The following PCDH10 variants were observed in gnomAD, a reference collection of about 807,000 sequenced individuals.
PCDH10 encodes protocadherin-10.
PCDH10 carries 15 observed loss-of-function variants against 74.4 expected under a neutral mutation model. The observed-to-expected ratio is 0.20, with a 90% CI of 0.13 to 0.31. PCDH10 has a LOEUF of 0.31. PCDH10 is among the 10% of genes least tolerant of loss of function. PCDH10 has a pLI of 1.00. For synonymous variants in PCDH10, 619 were observed against 589.8 expected, an observed-to-expected ratio of 1.05 and a Z score of -0.72; for missense variants, 1,260 against 1,390.2, an observed-to-expected ratio of 0.91 and a Z score of 1.49.
At chr4:133,188,097 T>G (rs1473621145) in intron 4 of PCDH10, among the ~76,000 whole-genome samples, 1 of 152,128 alleles carries the variant, frequency 6.6e-6, no homozygotes, top group African/African-American at 2.4e-5. Context: ...ATTTTTACTA[T>G]TAACAGGAAA....
chr4:133,182,520 C>A (rs1472122492), intron 4 of PCDH10, among the ~76,000 whole-genome samples: 3 of 152,012 alleles, frequency 2.0e-5, no homozygotes, highest in Admixed American at 2.0e-4. Context: ...AAGGATACTT[C>A]ATTGATAATG....
At position 133,192,132 on chromosome 4, in the gene PCDH10, G is replaced by A. The variant is rs1280541094; in HGVS notation, c.*1972G>A. The stretch of plus-strand genomic sequence containing the variant: ...GTATGTAATGTTCCAGCCTTTTGAA[G>A]TCTCTTTAAACATATATGAAGCTAA... On this transcript the variant is annotated 3_prime_UTR_variant, in exon 5 of 5. Transcript: ENST00000264360. The A allele has an allele frequency of 6.6e-6, 1 of 151,386 alleles. No individual in the cohort carries two copies. Among genetic ancestry groups the A allele is most frequent in the Non-Finnish European group, 1.5e-5 (1 of 67,586 alleles). The allele number at this position is 151,386 out of a possible 1,614,324, so 9.4% of individuals were successfully genotyped here.
At chr4:133,154,663 G>T (rs1445976679) in intron 2 of PCDH10, among the ~76,000 whole-genome samples, 1 of 152,074 alleles carries the variant, frequency 6.6e-6, no homozygotes, top group Non-Finnish European at 1.5e-5. Flanking sequence ...TTATGAAAAT[G>T]ATATAAACAT....
chr4:133,160,118 A>C (rs545592722), intron 3 of PCDH10, among the ~76,000 whole-genome samples: 2 of 152,080 alleles, frequency 1.3e-5, no homozygotes, highest in Non-Finnish European at 2.9e-5. Flanking sequence ...TCTGTTACTT[A>C]TCTGAAGTTT....
intron 4 of PCDH10, among the ~76,000 whole-genome samples, chr4:133,183,090 A>T (rs954120500): frequency 6.6e-6 from 1 of 152,114 alleles, no homozygotes; most frequent in Non-Finnish European, 1.5e-5. Flanking sequence ...TTCAAATAAT[A>T]ATATTCAAAT....
intron 3 of PCDH10, among the ~76,000 whole-genome samples, chr4:133,160,308 G>T (rs1421012428): frequency 6.6e-6 from 1 of 151,538 alleles, no homozygotes; most frequent in Non-Finnish European, 1.5e-5. Flanking sequence ...CACTTTAAAA[G>T]GATTAATTCA....
At position 133,200,469 on chromosome 4, in the gene PCDH10, A is replaced by G. The variant is rs1727881937; in HGVS notation, n.438-7607A>G. Among the ~76,000 whole-genome samples the G allele has an allele frequency of 2.0e-5, 3 of 152,314 alleles. No homozygotes were observed. The South Asian group carries it at 6.2e-4, about 32-fold the overall frequency. On this transcript the variant is annotated intron_variant and non_coding_transcript_variant, in intron 2 of 2. Coordinates refer to the PCDH10 transcript ENST00000511112. Reference sequence around the variant, plus strand: ...ATGTAACTATTGTAAAAGACATTTTAAAATCTTTCCTATGCATCTGAGTTC... The same window carrying G: ...ATGTAACTATTGTAAAAGACATTTTGAAATCTTTCCTATGCATCTGAGTTC...
rs1017775396 is a variant in PCDH10, at chr4:133,150,617, C to T, written c.477C>T (p.Tyr159=). The T allele has an allele frequency of 6.2e-7, 1 of 1,613,400 alleles. No individual in the cohort carries two copies. The highest frequency in any genetic ancestry group is 1.1e-5 in the South Asian group (1 of 91,070). Residue 159 remains tyrosine (Y), a synonymous_variant, in exon 1 of 5, where the codon TAC becomes TAT. Coordinates refer to ENST00000264360, the MANE Select transcript of PCDH10 (RefSeq NM_032961.3). The stretch of plus-strand genomic sequence containing the variant: ...TGGGCACCAACTCCTTGCGCGACTA[C>T]GAGATCACCCCCAACAGCTACTTCT... ...PDVGTNSLRD[Y]EITPNSYFSL...
chr4:133,188,225 A>T, intron 4 of PCDH10, among the ~76,000 whole-genome samples: 1 of 152,112 alleles, frequency 6.6e-6, no homozygotes, highest in East Asian at 1.9e-4. Flanking sequence ...CTTTTCACTC[A>T]CCAGTGGGTC....
intron 3 of PCDH10, among the ~76,000 whole-genome samples, chr4:133,156,109 G>A (rs1474350598): frequency 6.6e-6 from 1 of 152,088 alleles, no homozygotes; most frequent in African/African-American, 2.4e-5. Context: ...TCATTTTCAA[G>A]GTGATATTAG....
In PCDH10 at chr4:133,162,974, C is replaced by T; in HGVS notation, c.2798-3C>T. 1 of 1,603,658 alleles carries T rather than the reference C, an allele frequency of 6.2e-7. No homozygotes were observed. ...ATCCGTAGTTTCTGTTTTCTGCTTACAGGTATGGATCTCTTCTCCAATTGC... is the reference window on the plus strand; with the variant it reads ...ATCCGTAGTTTCTGTTTTCTGCTTATAGGTATGGATCTCTTCTCCAATTGC... On this transcript the variant is annotated splice_polypyrimidine_tract_variant and splice_region_variant and intron_variant, in intron 3 of 4. Coordinates refer to ENST00000264360, the MANE Select transcript of PCDH10 (RefSeq NM_032961.3).
intron 3 of PCDH10, among the ~76,000 whole-genome samples, chr4:133,156,975 AATACTAAAATG>A (rs1726880058): frequency 1.3e-5 from 2 of 152,262 alleles, no homozygotes; most frequent in African/African-American, 4.8e-5. Context: ...CATTTAAAAG[AATACTAAAATG>A]TTAAAATGTG....
chr4:133,162,746 G>A (rs1726994754), intron 3 of PCDH10, among the ~76,000 whole-genome samples: 1 of 152,102 alleles, frequency 6.6e-6, no homozygotes, highest in Non-Finnish European at 1.5e-5. Context: ...TATCTCAGAG[G>A]CCTCTTTGCC....
At chr4:133,203,259 T>A (rs529976196) in intron 2 of PCDH10, among the ~76,000 whole-genome samples, 2 of 152,210 alleles carry the variant, frequency 1.3e-5, no homozygotes, top group East Asian at 3.9e-4. Flanking sequence ...CAATTTTATA[T>A]CTTTATTTCA....
chr4:133,200,657 T>C (rs1036838911), intron 2 of PCDH10, among the ~76,000 whole-genome samples: 1 of 152,212 alleles, frequency 6.6e-6, no homozygotes, highest in Non-Finnish European at 1.5e-5. Context: ...GAACAGGGCC[T>C]TAAAAATATT....
chr4:133,156,136 T>C (rs1726859226), intron 3 of PCDH10, among the ~76,000 whole-genome samples: 1 of 152,208 alleles, frequency 6.6e-6, no homozygotes, highest in Non-Finnish European at 1.5e-5. Flanking sequence ...AGAGCACCCA[T>C]TCCTTAACAC....
chr4:133,178,658 G>A (rs1372683317), intron 4 of PCDH10, among the ~76,000 whole-genome samples: 2 of 151,704 alleles, frequency 1.3e-5, no homozygotes, highest in Admixed American at 6.6e-5. Context: ...TCAAATGTAT[G>A]TTACTTTTAA....
At chr4:133,182,066 A>G (rs1245381911) in intron 4 of PCDH10, among the ~76,000 whole-genome samples, 1 of 151,938 alleles carries the variant, frequency 6.6e-6, no homozygotes, top group East Asian at 1.9e-4. Flanking sequence ...CTCATCTTAC[A>G]TTGTTGGAAT....
At chr4:133,169,628 A>G (rs1727163748) in intron 4 of PCDH10, among the ~76,000 whole-genome samples, 1 of 151,916 alleles carries the variant, frequency 6.6e-6, no homozygotes, top group South Asian at 2.1e-4. Context: ...TATCAATTAA[A>G]ATATAAATAG....
Sources: gnomAD v4.1 joint callset for allele counts (sites outside exome capture counted in the v4.1 genomes callset) on GRCh38, gnomAD v4.1.1 for gene constraint, MANE v1.5 for transcripts, NCBI Gene and HGNC (gene_info 2026-07-23, HGNC 2026-07-21) for gene names.